The following USP6NL variants were observed in gnomAD, a reference collection of about 807,000 sequenced individuals.
USP6NL encodes USP6 N-terminal-like protein.
A neutral mutation model predicts 61.9 loss-of-function variants in USP6NL; 26 were observed. The observed-to-expected ratio is 0.42, with a 90% CI of 0.31 to 0.58. The LOEUF is 0.58. Ranked by LOEUF, USP6NL falls within the 20% of genes least tolerant of loss-of-function variation. USP6NL has a pLI of 0.16. For missense variants in USP6NL, 1,114 were observed against 1,034.3 expected, an observed-to-expected ratio of 1.08 and a Z score of -1.06; for synonymous variants, 432 against 390.1, an observed-to-expected ratio of 1.11 and a Z score of -1.27.
At chr10:11,581,257 G>T (rs1837760737) in intron 2 of USP6NL, among the ~76,000 whole-genome samples, 1 of 152,100 alleles carries the variant, frequency 6.6e-6, no homozygotes, top group Non-Finnish European at 1.5e-5. Flanking sequence ...GACTTACTTT[G>T]TACTTTTTGT....
At chr10:11,573,625 T>G in intron 2 of USP6NL, 1 of 398,938 alleles carries the variant, frequency 2.5e-6, no homozygotes, top group Non-Finnish European at 4.4e-6. Flanking sequence ...CTGTGGCTGC[T>G]TTTTGCCTTG....
intron 13 of USP6NL, among the ~76,000 whole-genome samples, chr10:11,483,373 A>T (rs1833285619): frequency 6.6e-6 from 1 of 150,718 alleles, no homozygotes; most frequent in Non-Finnish European, 1.5e-5. Flanking sequence ...AGAGCTACAA[A>T]GAAGTATGTT....
Position 11,462,277 on chromosome 10 carries a change from A to C in USP6NL, c.*164T>G. 2 of 825,914 alleles carry C rather than the reference A, an allele frequency of 2.4e-6. No homozygotes were observed. Among genetic ancestry groups the C allele is most frequent in the East Asian group, 5.4e-5 (2 of 36,998 alleles). 51.2% of individuals were successfully genotyped at this position (825,914 alleles called of 1,614,324 possible). A position where few individuals can be genotyped will look rare whatever the true frequency, so the allele number is the denominator to read the frequency against. On this transcript the variant is annotated 3_prime_UTR_variant, in exon 15 of 15. Transcript: ENST00000609104. ...AATTGAAACGCTCATCTTAAGCAGC[A>C]TCTACGTGGGGCTGAAGACATTTCC... is the stretch of plus-strand genomic sequence containing the variant.
intron 2 of USP6NL, among the ~76,000 whole-genome samples, chr10:11,580,968 A>C (rs1480266444): frequency 1.3e-5 from 2 of 152,184 alleles, no homozygotes; most frequent in African/African-American, 4.8e-5. Context: ...AAAAAGTACA[A>C]GAGTACTGGT....
chr10:11,579,963 C>G (rs56044668), intron 2 of USP6NL, among the ~76,000 whole-genome samples: 9,960 of 96,892 alleles, frequency 0.1, 609 homozygotes, highest in East Asian at 0.36. Context: ...TGGAGAGTGG[C>G]GGGGGGGGGG....
chr10:11,462,870 G>A lies in USP6NL; in HGVS notation c.2058C>T (p.Ser686=), dbSNP rs771236526. 23 of 1,613,860 alleles carry A rather than the reference G, an allele frequency of 1.4e-5. No homozygotes were observed. The highest frequency in any genetic ancestry group is 1.9e-5 in the Non-Finnish European group (23 of 1,179,830). ...SVSASPEKSY[S]RPSPLVLPSS... The stretch of plus-strand genomic sequence containing the variant: ...ACGGCAGTACAAGGGGGCTTGGGCG[G>A]CTGTAAGATTTCTCCGGAGAAGCAC... The change falls in exon 15 of 15, where the codon AGC becomes AGT. Residue 686 remains serine, a synonymous_variant. Transcript: ENST00000609104.
In USP6NL at chr10:11,474,261, T is replaced by C. The variant is rs1305554570; in HGVS notation, c.1078+7509A>G. 2.6e-5 allele frequency among the ~76,000 whole-genome samples: 4 copies of C among 152,262 alleles called. No individual in the cohort carries two copies. The highest frequency in any genetic ancestry group is 6.5e-5 in the Admixed American group (1 of 15,290). ...GAGAATTTGGCCAAGTTGGCCTTCTTATGCCAATTTAAAAATATGCAAATG... is the reference window on the plus strand; with the variant it reads ...GAGAATTTGGCCAAGTTGGCCTTCTCATGCCAATTTAAAAATATGCAAATG... On this transcript the variant is annotated intron_variant, in intron 14 of 14. Coordinates refer to ENST00000609104, the MANE Select transcript of USP6NL (RefSeq NM_014688.5). This position sits in a 1 kb window ranked among gnomAD's most constrained non-coding sequence, Gnocchi z 4.9.
intron 2 of USP6NL, among the ~76,000 whole-genome samples, chr10:11,576,559 G>A (rs1292126710): frequency 6.6e-6 from 1 of 152,184 alleles, no homozygotes; most frequent in South Asian, 2.1e-4. Context: ...GCTAGAAGGC[G>A]CCATCTATGA....
chr10:11,483,354 A>T (rs1005526095), intron 13 of USP6NL, among the ~76,000 whole-genome samples: 1 of 151,184 alleles, frequency 6.6e-6, no homozygotes, highest in African/African-American at 2.4e-5. Flanking sequence ...ACAATTTAAG[A>T]AGCAGATGAG....
At chr10:11,544,206 T>C (rs1412752574) in intron 2 of USP6NL, among the ~76,000 whole-genome samples, 1 of 151,280 alleles carries the variant, frequency 6.6e-6, no homozygotes, top group Admixed American at 6.6e-5. Context: ...AGACCATAAA[T>C]GGATTTTTTA....
At chr10:11,501,542 C>T (rs1834195141) in intron 6 of USP6NL, among the ~76,000 whole-genome samples, 1 of 152,212 alleles carries the variant, frequency 6.6e-6, no homozygotes, top group Non-Finnish European at 1.5e-5. Context: ...TACACATTCC[C>T]TGATGGTATA....
intron 2 of USP6NL, among the ~76,000 whole-genome samples, chr10:11,568,886 CT>C (rs1837262863): frequency 1.3e-5 from 2 of 152,202 alleles, no homozygotes; most frequent in South Asian, 4.1e-4. Flanking sequence ...CCTCAGCAGG[CT>C]TTTGCTTACA....
chr10:11,475,984 A>G (rs1418218182), intron 14 of USP6NL, among the ~76,000 whole-genome samples: 1 of 152,114 alleles, frequency 6.6e-6, no homozygotes, highest in African/African-American at 2.4e-5. Context: ...GAAAAACCAG[A>G]CAACTCCTGA....
intron 4 of USP6NL, among the ~76,000 whole-genome samples, chr10:11,521,267 TAGAA>T (rs770140410): frequency 6.7e-6 from 1 of 149,398 alleles, no homozygotes; most frequent in Non-Finnish European, 1.5e-5. Flanking sequence ...ATAGGATTGG[TAGAA>T]AGAGTTCTCA....
In USP6NL at chr10:11,562,874, T is replaced by G. The variant is rs947143772; in HGVS notation, c.4+34757A>C. 1.4e-6 allele frequency: 1 copy of G among 692,180 alleles called. No homozygotes were observed. Among genetic ancestry groups the G allele is most frequent in the African/African-American group, 1.9e-5 (1 of 51,300 alleles). 42.9% of individuals were successfully genotyped at this position (692,180 alleles called of 1,614,324 possible). A position where few individuals can be genotyped will look rare whatever the true frequency, so the allele number is the denominator to read the frequency against. On this transcript the variant is annotated intron_variant, in intron 2 of 14. Coordinates refer to ENST00000609104, the MANE Select transcript of USP6NL (RefSeq NM_014688.5). The surrounding 1 kb of genome is among the most constrained non-coding windows in gnomAD (Gnocchi z 4.8). Reference sequence around the variant, plus strand: ...TGGTAGTTTCTTGAAAAAGTAGACATCCACTTACCATGCAATCTATGAATC... The same window carrying G: ...TGGTAGTTTCTTGAAAAAGTAGACAGCCACTTACCATGCAATCTATGAATC...
At chr10:11,464,561 T>A (rs1832364002) in intron 14 of USP6NL, among the ~76,000 whole-genome samples, 1 of 152,148 alleles carries the variant, frequency 6.6e-6, no homozygotes, top group South Asian at 2.1e-4. Context: ...TTGATCCTCC[T>A]CCTCCACTAT....
rs73567389 is a variant in USP6NL at position 11,482,811 on chromosome 10, T to C, written c.926-889A>G. ...AAAAGAAAAAGGAAAAAATTTCTTA[T>C]GAGCTTTAGCTAACTATTGGTTAAT... On this transcript the variant is annotated intron_variant, in intron 13 of 14. Coordinates refer to ENST00000609104, the MANE Select transcript of USP6NL (RefSeq NM_014688.5). This position sits in a 1 kb window ranked among gnomAD's most constrained non-coding sequence, Gnocchi z 4.0. Among the ~76,000 whole-genome samples the C allele has an allele frequency of 3.4e-3, 511 of 152,350 alleles. 2 individuals are homozygous for C. Among genetic ancestry groups the C allele is most frequent in the African/African-American group, 0.011 (469 of 41,584 alleles).
chr10:11,599,993 A>G (rs184556070), intron 1 of USP6NL, among the ~76,000 whole-genome samples: 69 of 152,150 alleles, frequency 4.5e-4, no homozygotes, highest in Non-Finnish European at 2.6e-4. Context: ...GAGTCTACCA[A>G]TTGTTATATG....
At chr10:11,497,573 T>A (rs1411272643) in intron 7 of USP6NL, among the ~76,000 whole-genome samples, 1 of 152,032 alleles carries the variant, frequency 6.6e-6, no homozygotes, top group Admixed American at 6.6e-5. Flanking sequence ...AAATAAAAGT[T>A]AATAGGAAGG....
Sources: gnomAD v4.1 joint callset for allele counts (sites outside exome capture counted in the v4.1 genomes callset) on GRCh38, gnomAD v4.1.1 for gene constraint, Gnocchi (gnomAD v3.1) non-coding constraint, MANE v1.5 for transcripts, NCBI Gene and HGNC (gene_info 2026-07-23, HGNC 2026-07-21) for gene names.